Variants in ELP1 observed in about 807,000 individuals in gnomAD.
ELP1 encodes the protein elongator complex protein 1.
Under a neutral mutation model 183.2 loss-of-function variants are expected in ELP1, and 131 were observed. The ratio of observed to expected loss-of-function variants is 0.72; its 90% CI spans 0.62 to 0.83. The LOEUF (loss-of-function observed/expected upper bound fraction) is 0.83. ELP1 is among the 40% of genes least tolerant of loss of function. The pLI, the probability that ELP1 is intolerant of heterozygous loss-of-function variation, is 0.00. For synonymous variants in ELP1, 555 were observed against 569.0 expected (o/e 0.98, Z 0.35); for missense variants, 1,550 against 1,594.9 (o/e 0.97, Z 0.48).
intron 32 of ELP1, 27 bp downstream of exon 32, chr9:108,880,025 G>A (rs1195570217): frequency 2.1e-6 from 3 of 1,430,046 alleles, no homozygotes; most frequent in Middle Eastern, 1.8e-4. Flanking sequence ...GCCCCCGCAC[G>A]TCGATGGCCT....
chr9:108,887,565 T>G (rs1564077722), intron 29 of ELP1, among the ~76,000 whole-genome samples: 1 of 152,150 alleles, frequency 6.6e-6, no homozygotes, highest in Non-Finnish European at 1.5e-5. Flanking sequence ...ATACTAGTAA[T>G]AAAACATTAG....
chr9:108,910,991 C>A lies in ELP1; in HGVS notation c.1360+19G>T, dbSNP rs755406671. 1.9e-6 allele frequency: 3 copies of A among 1,612,624 alleles called. No individual in the cohort carries two copies. The highest frequency in any genetic ancestry group is 1.7e-5 in the Admixed American group (1 of 60,020). Reference sequence around the variant, plus strand: ...AGGGACTTGATTCAGAACATCTTGGCAAAAGTTTTATAACATACCACATTT... The same window carrying A: ...AGGGACTTGATTCAGAACATCTTGGAAAAAGTTTTATAACATACCACATTT... On this transcript the variant is annotated intron_variant, in intron 12 of 36. Coordinates refer to ENST00000374647, the MANE Select transcript of ELP1 (RefSeq NM_003640.5).
chr9:108,891,366 C>G lies in ELP1; in HGVS notation c.2997G>C (p.Glu999Asp). The G allele has an allele frequency of 6.2e-7, 1 of 1,613,996 alleles. No homozygotes were observed. The highest frequency in any genetic ancestry group is 1.1e-5 in the South Asian group (1 of 91,076). The change falls in exon 28 of 37, where the codon GAG becomes GAC. Residue 999 changes from glutamate (E) to aspartate (D), a missense_variant. Physicochemically the swap from Glu to Asp is conservative, Grantham distance 45. Coordinates refer to ENST00000374647, the MANE Select transcript of ELP1 (RefSeq NM_003640.5). ...SIAYGEHLMQ[E>D]HMYEPAGLMF... Reference sequence around the variant, plus strand: ...TGAGCCCCGCTGGCTCATACATGTGCTCCTGCATCAGGTGCTCCCCATAAG... The same window carrying G: ...TGAGCCCCGCTGGCTCATACATGTGGTCCTGCATCAGGTGCTCCCCATAAG...
Position 108,931,119 on chromosome 9 carries a change from G to C in ELP1, c.28C>G (p.Leu10Val). The C allele has an allele frequency of 6.2e-7, 1 of 1,614,156 alleles. No homozygotes were observed. The highest frequency in any genetic ancestry group is 1.1e-5 in the South Asian group (1 of 91,086). MRNLKLFRT[L>V]EFRDIQGPGN... ...GGACCTTGAATATCCCTGAACTCCA[G>C]GGTCCGAAATAATTTCAGATTTCGC... Residue 10 changes from leucine to valine, a missense_variant, in exon 2 of 37, where the codon CTG becomes GTG. By Grantham distance (32) the Leu-to-Val change is conservative (BLOSUM62 1). Transcript: ENST00000374647.
At chr9:108,873,583 A>T (rs1469585283) in intron 36 of ELP1, among the ~76,000 whole-genome samples, 1 of 152,208 alleles carries the variant, frequency 6.6e-6, no homozygotes, top group Non-Finnish European at 1.5e-5. Flanking sequence ...TACCCTGGGG[A>T]ATGATGGGAC....
intron 26 of ELP1, 85 bp downstream of exon 26, chr9:108,893,858 G>A: frequency 2.8e-6 from 4 of 1,405,744 alleles, no homozygotes; most frequent in Non-Finnish European, 4.0e-6. Context: ...ATCAGTCACT[G>A]TCTAAACTAA....
intron 10 of ELP1, 42 bp downstream of exon 10, chr9:108,916,162 C>T (rs766569765): frequency 6.9e-6 from 10 of 1,456,624 alleles, no homozygotes; most frequent in East Asian, 2.3e-5. Flanking sequence ...CTTTCAACTA[C>T]GTTTTATGGG....
chr9:108,868,689 T>G lies in ELP1; in HGVS notation c.*426A>C, dbSNP rs1827323516. The G allele has an allele frequency of 2.1e-6, 1 of 480,366 alleles. No individual in the cohort carries two copies. 29.8% of individuals were successfully genotyped at this position (480,366 alleles called of 1,614,324 possible). On this transcript the variant is annotated 3_prime_UTR_variant, in exon 37 of 37. Coordinates refer to ENST00000374647, the MANE Select transcript of ELP1 (RefSeq NM_003640.5). Reference sequence around the variant, plus strand: ...TTAGTTTAAGGTGACAAGAAGCTATTTAAGTGATTACATTTGACCAAATGT... The same window carrying G: ...TTAGTTTAAGGTGACAAGAAGCTATGTAAGTGATTACATTTGACCAAATGT...
Position 108,893,089 on chromosome 9 carries a change from G to A in ELP1, c.2861-6C>T, listed in dbSNP as rs779426934. 1.3e-6 allele frequency: 2 copies of A among 1,598,516 alleles called. No homozygotes were observed. Among genetic ancestry groups the A allele is most frequent in the Admixed American group, 1.7e-5 (1 of 59,990 alleles). ...TTCTGGGAAGTACTCAGGTCCTGCA[G>A]GAAAAAGATTCACACAAAGACAGGC... On this transcript the variant is annotated splice_polypyrimidine_tract_variant and splice_region_variant and intron_variant, in intron 26 of 36. Transcript: ENST00000374647.
At chr9:108,897,803 T>A (rs1432614407) in intron 22 of ELP1, among the ~76,000 whole-genome samples, 2 of 152,006 alleles carry the variant, frequency 1.3e-5, no homozygotes, top group Non-Finnish European at 2.9e-5. Flanking sequence ...TGAAAAGGAG[T>A]AAATGCCCTC....
chr9:108,912,397 G>GTCCC lies in ELP1; in HGVS notation c.1052_1055dup (p.Asp352GlufsTer22), dbSNP rs1564096502. ...CATGCAGCCGGTATGGGGTCACAGG[G>GTCCC]TCCCACATCAGAGACACAATCTTGC... On this transcript the variant is annotated frameshift_variant, in exon 11 of 37. Coordinates refer to ENST00000374647, the MANE Select transcript of ELP1 (RefSeq NM_003640.5). LOFTEE classifies it high-confidence loss of function. 1.9e-6 allele frequency: 3 copies of GTCCC among 1,613,978 alleles called. No individual in the cohort carries two copies. The Admixed American group carries it at 5.0e-5, about 27-fold the overall frequency.
At position 108,912,298 on chromosome 9, in the gene ELP1, T is replaced by C; in HGVS notation, c.1155A>G (p.Ser385=). Residue 385 remains serine, a synonymous_variant, in exon 11 of 37, where the codon TCA becomes TCG. Coordinates refer to ENST00000374647, the MANE Select transcript of ELP1 (RefSeq NM_003640.5). The stretch of plus-strand genomic sequence containing the variant: ...TGACAGCCACATTGGACAAGTCACT[T>C]GAATTATCTCCCACGCTCCGGTCAG... ...WTTDRSVGDN[S]SDLSNVAVID... is the part of the protein sequence containing the mutation. 1 of 1,614,176 alleles carries C rather than the reference T, an allele frequency of 6.2e-7. No homozygotes were observed. Among genetic ancestry groups the C allele is most frequent in the Non-Finnish European group, 8.5e-7 (1 of 1,180,014 alleles).
At position 108,887,987 on chromosome 9, in the gene ELP1, G is replaced by A. The variant is rs143971539; in HGVS notation, c.3222+1345C>T. Among the ~76,000 whole-genome samples the A allele has an allele frequency of 5.1e-3, 772 of 152,232 alleles. 5 individuals carry two copies. Among genetic ancestry groups the A allele is most frequent in the African/African-American group, 0.018 (734 of 41,530 alleles). On this transcript the variant is annotated intron_variant, in intron 29 of 36. Transcript: ENST00000374647. ...CCTGCACTAGAATGTTCATGGCTGC[G>A]TTATTCATAATAACCCCAAACTGAA...
At chr9:108,895,005 G>A (rs182416885) in intron 25 of ELP1, among the ~76,000 whole-genome samples, 1 of 152,146 alleles carries the variant, frequency 6.6e-6, no homozygotes. Context: ...CCAGCACTCT[G>A]GGAGGCCGAG....
At chr9:108,876,177 G>A (rs1014853758) in intron 35 of ELP1, among the ~76,000 whole-genome samples, 2 of 152,104 alleles carry the variant, frequency 1.3e-5, no homozygotes, top group African/African-American at 4.8e-5. Flanking sequence ...TCAAGAGGCT[G>A]AGGTGGGAGG....
At chr9:108,910,568 C>T (rs991445069) in intron 12 of ELP1, among the ~76,000 whole-genome samples, 4 of 152,122 alleles carry the variant, frequency 2.6e-5, no homozygotes, top group Admixed American at 6.5e-5. Flanking sequence ...TGTTGAGGTC[C>T]TTGTCCATTC....
chr9:108,926,388 C>G (rs1829824908), intron 5 of ELP1, 135 bp downstream of exon 5: 1 of 743,304 alleles, frequency 1.3e-6, no homozygotes, highest in African/African-American at 1.7e-5. Context: ...AGGAACTGGG[C>G]TAATAGACAT....
chr9:108,898,454 G>A (rs755514555), intron 22 of ELP1, 48 bp downstream of exon 22: 1 of 1,188,868 alleles, frequency 8.4e-7, no homozygotes, highest in Non-Finnish European at 1.2e-6. Context: ...TTAACAAGAA[G>A]AGAGAAAACT....
intron 11 of ELP1, 120 bp from the exon 12 acceptor site, chr9:108,911,300 T>A: frequency 2.0e-6 from 2 of 993,324 alleles, no homozygotes; most frequent in Non-Finnish European, 3.1e-6. Context: ...TAACTTTCAA[T>A]GTTTTTCTCA....
Sources: gnomAD v4.1 joint callset for allele counts (sites outside exome capture counted in the v4.1 genomes callset) on GRCh38, gnomAD v4.1.1 for gene constraint, MANE v1.5 for transcripts, NCBI Gene and HGNC (gene_info 2026-07-23, HGNC 2026-07-21) for gene names.